PDE4D: variants seen among roughly 807,000 people sequenced by gnomAD.
The protein encoded by PDE4D is phosphodiesterase 4D.
A neutral mutation model predicts 87.4 loss-of-function variants in PDE4D; 24 were observed. The ratio of observed to expected loss-of-function variants is 0.27; its 90% CI spans 0.20 to 0.39. PDE4D has a LOEUF of 0.39. Among genes scored for constraint, PDE4D ranks in the 10% least tolerant of loss-of-function variants. The probability of loss-of-function intolerance (pLI) is 1.00; values close to 1 mark genes in which losing one functional copy is unlikely to be tolerated. For missense variants in PDE4D, 714 were observed against 1,041.0 expected, an observed-to-expected ratio of 0.69 and a Z score of 4.32; for synonymous variants, 384 against 383.2, an observed-to-expected ratio of 1.00 and a Z score of -0.02.
intron 8 of PDE4D, 133 bp from the exon 9 acceptor site, chr5:58,991,035 C>T (rs1211568079): frequency 1.7e-6 from 1 of 599,652 alleles, no homozygotes; most frequent in East Asian, 2.8e-5. Context: ...AATCCCAGAA[C>T]TTTGGGAGGC....
intron 2 of PDE4D, among the ~76,000 whole-genome samples, chr5:60,048,357 C>T (rs924929143): frequency 1.3e-5 from 2 of 152,112 alleles, no homozygotes; most frequent in Admixed American, 6.5e-5. Flanking sequence ...AGCATTTAGT[C>T]CATTTACATT....
chr5:59,893,359 G>A lies in PDE4D; in HGVS notation c.264C>T (p.Pro88=). Residue 88 remains proline (P), a synonymous_variant, in exon 1 of 15, where the codon CCC becomes CCT. Transcript: ENST00000340635. ...PPPLPPPPPP[P]GAARGRYASS... The stretch of plus-strand genomic sequence containing the variant: ...AGGCGTAGCGGCCGCGGGCAGCCCC[G>A]GGCGGCGGCGGGGGCGGCGGCAGGG... 6 of 1,256,536 alleles carry A rather than the reference G, an allele frequency of 4.8e-6. No homozygotes were observed. The highest frequency in any genetic ancestry group is 6.0e-6 in the Non-Finnish European group (6 of 1,001,642). The allele number at this position is 1,256,536 out of a possible 1,614,324, so 77.8% of individuals were successfully genotyped here. A position where few individuals can be genotyped will look rare whatever the true frequency, so the allele number is the denominator to read the frequency against.
At chr5:60,081,084 G>T (rs1189457647) in intron 2 of PDE4D, among the ~76,000 whole-genome samples, 1 of 151,678 alleles carries the variant, frequency 6.6e-6, no homozygotes, top group Non-Finnish European at 1.5e-5. Context: ...TCAGGAATTT[G>T]ACTTCTTCCT....
intron 5 of PDE4D, among the ~76,000 whole-genome samples, chr5:59,093,298 C>T (rs962700229): frequency 1.3e-5 from 2 of 152,164 alleles, no homozygotes; most frequent in Admixed American, 6.5e-5. Context: ...AAACTAACTA[C>T]TTCCCTTACC....
At chr5:59,798,382 T>A (rs978967912) in intron 1 of PDE4D, among the ~76,000 whole-genome samples, 4 of 152,060 alleles carry the variant, frequency 2.6e-5, no homozygotes, top group African/African-American at 7.2e-5. Context: ...AAAAGCTATT[T>A]ATAACCAAAA....
At chr5:60,383,773 A>T (rs985200799) in intron 1 of PDE4D, among the ~76,000 whole-genome samples, 1 of 152,224 alleles carries the variant, frequency 6.6e-6, no homozygotes, top group Non-Finnish European at 1.5e-5. Flanking sequence ...CTAACGCTAA[A>T]ATGTGCTGAT....
At chr5:60,150,089 T>C (rs1399713995) in intron 2 of PDE4D, among the ~76,000 whole-genome samples, 2 of 149,180 alleles carry the variant, frequency 1.3e-5, no homozygotes, top group African/African-American at 2.4e-5. Context: ...TAGAATTATA[T>C]ATACTAGTAC....
intron 2 of PDE4D, among the ~76,000 whole-genome samples, chr5:60,113,100 A>C (rs2149361255): frequency 6.6e-6 from 1 of 152,118 alleles, no homozygotes; most frequent in East Asian, 1.9e-4. Flanking sequence ...AATAATATAA[A>C]ATTTTATACT....
intron 1 of PDE4D, among the ~76,000 whole-genome samples, chr5:59,261,728 T>G (rs1449534757): frequency 1.3e-5 from 2 of 151,806 alleles, no homozygotes; most frequent in Non-Finnish European, 2.9e-5. Context: ...AAGGCTAAAT[T>G]CATTAAAATG....
rs565693427 is a variant in PDE4D at position 60,500,365 on chromosome 5, G to A, written n.70+21686C>T. Among the ~76,000 whole-genome samples the A allele has an allele frequency of 1.1e-4, 17 of 152,214 alleles. No homozygotes were observed. In the South Asian group the frequency reaches 3.5e-3, roughly 32 times the overall value. ...AAGGAAGAACCTGGTCCCAAGGATG[G>A]AAGAAATTTCCACTTGAAAATATTT... On this transcript the variant is annotated intron_variant and non_coding_transcript_variant, in intron 1 of 2. Transcript: ENST00000506510.
intron 1 of PDE4D, among the ~76,000 whole-genome samples, chr5:59,690,544 C>T (rs893999548): frequency 9.2e-5 from 14 of 152,132 alleles, no homozygotes; most frequent in African/African-American, 1.2e-4. Context: ...GGATCTCTTC[C>T]GTACACCTTA....
chr5:59,364,889 C>T (rs540240666), intron 1 of PDE4D, among the ~76,000 whole-genome samples: 1 of 152,038 alleles, frequency 6.6e-6, no homozygotes, highest in South Asian at 2.1e-4. Flanking sequence ...TCCTTCCCTC[C>T]TTTCTTCCTT....
At chr5:60,245,232 A>G (rs1747623704) in intron 1 of PDE4D, among the ~76,000 whole-genome samples, 2 of 152,042 alleles carry the variant, frequency 1.3e-5, no homozygotes, top group Admixed American at 1.3e-4. Flanking sequence ...CTACAATGAG[A>G]TATCATCTCA....
intron 1 of PDE4D, among the ~76,000 whole-genome samples, chr5:59,468,306 T>C (rs1335380062): frequency 6.6e-6 from 1 of 151,748 alleles, no homozygotes; most frequent in Non-Finnish European, 1.5e-5. Flanking sequence ...CAGTATCTGG[T>C]ATGGTGTCAT....
intron 1 of PDE4D, among the ~76,000 whole-genome samples, chr5:59,266,665 G>C (rs1301198850): frequency 6.6e-6 from 1 of 151,826 alleles, no homozygotes; most frequent in Non-Finnish European, 1.5e-5. Context: ...ACAAATCTTG[G>C]GGGGAAAGGC....
intron 1 of PDE4D, among the ~76,000 whole-genome samples, chr5:59,450,616 G>A (rs1394790310): frequency 6.6e-6 from 1 of 152,072 alleles, no homozygotes; most frequent in Admixed American, 6.5e-5. Flanking sequence ...TACAGCAAAC[G>A]TCCTTCTTCT....
chr5:59,774,689 C>CTTTTT (rs71604800), intron 1 of PDE4D, among the ~76,000 whole-genome samples: 1 of 132,406 alleles, frequency 7.6e-6, no homozygotes, highest in African/African-American at 2.8e-5. Context: ...TTTCTTTTTT[C>CTTTTT]TTTTTTTTTT....
intron 5 of PDE4D, among the ~76,000 whole-genome samples, chr5:59,048,104 T>C (rs1389407646): frequency 1.3e-5 from 2 of 152,222 alleles, no homozygotes; most frequent in East Asian, 1.9e-4. Context: ...TGCGCTAAGA[T>C]AATTTTCATT....
At chr5:59,844,763 G>C (rs1412469496) in intron 1 of PDE4D, among the ~76,000 whole-genome samples, 1 of 152,062 alleles carries the variant, frequency 6.6e-6, no homozygotes, top group African/African-American at 2.4e-5. Flanking sequence ...CCATGATTAG[G>C]TTATTATGTA....
Sources: gnomAD v4.1 joint callset for allele counts (sites outside exome capture counted in the v4.1 genomes callset) on GRCh38, gnomAD v4.1.1 for gene constraint, MANE v1.5 for transcripts, NCBI Gene and HGNC (gene_info 2026-07-23, HGNC 2026-07-21) for gene names.